RPS6KA2: variants seen among roughly 807,000 people sequenced by gnomAD.
RPS6KA2 encodes ribosomal protein S6 kinase A2.
Under a neutral mutation model 91.8 loss-of-function variants are expected in RPS6KA2, and 42 were observed. The observed-to-expected ratio is 0.46, with a 90% CI of 0.36 to 0.59. RPS6KA2 has a LOEUF of 0.59. Ranked by LOEUF, RPS6KA2 falls within the 20% of genes least tolerant of loss-of-function variation. RPS6KA2 has a pLI of 0.00. For missense variants in RPS6KA2, 798 were observed against 978.5 expected, an observed-to-expected ratio of 0.82 and a Z score of 2.46; for synonymous variants, 414 against 393.6, an observed-to-expected ratio of 1.05 and a Z score of -0.61.
chr6:166,561,411 G>A (rs186434547), intron 1 of RPS6KA2, among the ~76,000 whole-genome samples: 13 of 151,846 alleles, frequency 8.6e-5, no homozygotes, highest in Admixed American at 3.9e-4. Flanking sequence ...CTCGTTCCCC[G>A]CCAATGGGTT....
chr6:166,420,481 G>A (rs1384894239), intron 17 of RPS6KA2, among the ~76,000 whole-genome samples: 1 of 152,170 alleles, frequency 6.6e-6, no homozygotes, highest in Non-Finnish European at 1.5e-5. Context: ...GGACCTCATA[G>A]GAGTGGAATT....
rs1372489246 is a variant in RPS6KA2 at position 166,648,492 on chromosome 6, A to G, written c.124-109708T>C. ...GAGAGCAGAAGCCATGTCTCATTTG[A>G]CAAACAGGCAGCTGGCACGGGAAGG... On this transcript the variant is annotated intron_variant, in intron 2 of 21. Coordinates refer to the RPS6KA2 transcript ENST00000503859. The surrounding 1 kb of genome is among the most constrained non-coding windows in gnomAD (Gnocchi z 4.8). Among the ~76,000 whole-genome samples the G allele has an allele frequency of 6.6e-6, 1 of 152,188 alleles. No individual in the cohort carries two copies. The highest frequency in any genetic ancestry group is 6.5e-5 in the Admixed American group (1 of 15,286).
intron 2 of RPS6KA2, among the ~76,000 whole-genome samples, chr6:166,768,649 A>C (rs1778386489): frequency 6.6e-6 from 1 of 152,198 alleles, no homozygotes; most frequent in African/African-American, 2.4e-5. Flanking sequence ...AAAACAAAAC[A>C]AAACCAGAAT....
chr6:166,422,361 TAAAC>T (rs1397743075), intron 17 of RPS6KA2, among the ~76,000 whole-genome samples: 1 of 152,192 alleles, frequency 6.6e-6, no homozygotes, highest in Non-Finnish European at 1.5e-5. Context: ...GGTGACCTCT[TAAAC>T]AACTCCAAGA....
At chr6:166,472,741 G>A (rs1780817710) in intron 10 of RPS6KA2, among the ~76,000 whole-genome samples, 2 of 152,134 alleles carry the variant, frequency 1.3e-5, no homozygotes, top group Admixed American at 1.3e-4. Context: ...GGGGAGAATC[G>A]GAAGGTATCA....
chr6:166,555,597 G>A (rs9348148), intron 1 of RPS6KA2, among the ~76,000 whole-genome samples: 33,591 of 151,640 alleles, frequency 0.22, 4,218 homozygotes, highest in Non-Finnish European at 0.27. Flanking sequence ...CCATCGCCTC[G>A]TTCAGGGATG....
intron 2 of RPS6KA2, among the ~76,000 whole-genome samples, chr6:166,660,728 A>G (rs891318736): frequency 6.6e-6 from 1 of 152,058 alleles, no homozygotes; most frequent in Non-Finnish European, 1.5e-5. Flanking sequence ...CTTGAGCCCA[A>G]TCTCTTCCCT....
intron 2 of RPS6KA2, among the ~76,000 whole-genome samples, chr6:166,787,386 G>C (rs896970553): frequency 1.3e-5 from 2 of 151,876 alleles, no homozygotes; most frequent in African/African-American, 4.8e-5. Flanking sequence ...AGTATGATTT[G>C]ATATTTATGA....
intron 2 of RPS6KA2, among the ~76,000 whole-genome samples, chr6:166,696,743 G>A (rs1474829359): frequency 1.3e-5 from 2 of 152,146 alleles, no homozygotes; most frequent in East Asian, 3.9e-4. Context: ...ATCAGTGAAA[G>A]GACAGAACAG....
intron 2 of RPS6KA2, among the ~76,000 whole-genome samples, chr6:166,786,283 T>C (rs888473471): frequency 6.6e-6 from 1 of 152,188 alleles, no homozygotes; most frequent in Admixed American, 6.5e-5. Flanking sequence ...AATGAACTTG[T>C]CTAATAAACC....
rs544513241 is a variant in RPS6KA2 at position 166,649,251 on chromosome 6, C to A, written c.124-110467G>T. ...TGCGCTCCTGCCCCTGCCCTCCCCT[C>A]TTCCTTCTTCTTAGATCATCTATCC... On this transcript the variant is annotated intron_variant, in intron 2 of 21. Transcript: ENST00000503859. Among the ~76,000 whole-genome samples, 8 of 152,324 alleles carry A rather than the reference C, an allele frequency of 5.3e-5. No homozygotes were observed. The South Asian group carries it at 8.3e-4, about 16-fold the overall frequency.
intron 9 of RPS6KA2, among the ~76,000 whole-genome samples, chr6:166,489,457 C>T (rs962536831): frequency 3.9e-5 from 6 of 152,196 alleles, no homozygotes; most frequent in Non-Finnish European, 2.9e-5. Flanking sequence ...TCAGGACCAC[C>T]GGAGTCCTCA....
At chr6:166,560,087 TCTCATAC>T (rs987753396) in intron 1 of RPS6KA2, among the ~76,000 whole-genome samples, 1 of 152,148 alleles carries the variant, frequency 6.6e-6, no homozygotes, top group East Asian at 1.9e-4. Context: ...CTAGTGGGCA[TCTCATAC>T]CACACACTGT....
At chr6:166,592,571 A>T (rs894658453) in intron 1 of RPS6KA2, among the ~76,000 whole-genome samples, 4 of 152,170 alleles carry the variant, frequency 2.6e-5, no homozygotes, top group Admixed American at 6.5e-5. Context: ...TGAGGGGAAG[A>T]AATCAGAATG....
chr6:166,745,983 C>T (rs566296383), intron 2 of RPS6KA2, among the ~76,000 whole-genome samples: 3 of 152,338 alleles, frequency 2.0e-5, no homozygotes, highest in African/African-American at 7.2e-5. Context: ...CACAGAACAT[C>T]ACTCGCTCAC....
chr6:166,770,808 A>G lies in RPS6KA2; in HGVS notation c.123+87392T>C. 6.7e-7 allele frequency: 1 copy of G among 1,499,962 alleles called. No individual in the cohort carries two copies. The highest frequency in any genetic ancestry group is 8.9e-7 in the Non-Finnish European group (1 of 1,117,866). The allele number at this position is 1,499,962 out of a possible 1,614,324, so 92.9% of individuals were successfully genotyped here. On this transcript the variant is annotated intron_variant, in intron 2 of 21. Coordinates refer to the RPS6KA2 transcript ENST00000503859. This position sits in a 1 kb window ranked among gnomAD's most constrained non-coding sequence, Gnocchi z 5.1. ...AAGACTTCATGTTTAACTTAAAAAA[A>G]AAATGTAACTCACATAAGCATGGAA...
At chr6:166,625,729 A>G (rs1178588328) in intron 1 of RPS6KA2, among the ~76,000 whole-genome samples, 1 of 152,166 alleles carries the variant, frequency 6.6e-6, no homozygotes, top group Non-Finnish European at 1.5e-5. Flanking sequence ...TTTCAATATT[A>G]GACTTAAAAG....
At chr6:166,462,832 T>A (rs1271781173) in intron 11 of RPS6KA2, among the ~76,000 whole-genome samples, 2 of 152,288 alleles carry the variant, frequency 1.3e-5, no homozygotes, top group Admixed American at 1.3e-4. Flanking sequence ...GGCATGCGTG[T>A]GAGAGTGGAC....
At chr6:166,756,993 G>A (rs1226383459) in intron 2 of RPS6KA2, among the ~76,000 whole-genome samples, 2 of 152,160 alleles carry the variant, frequency 1.3e-5, no homozygotes, top group African/African-American at 2.4e-5. Flanking sequence ...GCTGCCCAAT[G>A]TGAATATACT....
Sources: allele counts gnomAD v4.1 joint callset (sites outside exome capture counted in the v4.1 genomes callset), GRCh38; gene constraint gnomAD v4.1.1; non-coding constraint Gnocchi (gnomAD v3.1); transcripts MANE v1.5; gene names NCBI Gene and HGNC (gene_info 2026-07-23, HGNC 2026-07-21).